OCA2: variants seen among roughly 807,000 people sequenced by gnomAD.
OCA2 encodes the protein P protein.
A neutral mutation model predicts 100.2 loss-of-function variants in OCA2; 77 were observed. The ratio of observed to expected loss-of-function variants is 0.77; its 90% CI spans 0.64 to 0.93. OCA2 has a LOEUF of 0.93. Ranked by LOEUF, OCA2 falls within the 40% of genes least tolerant of loss-of-function variation. The pLI, the probability that OCA2 is intolerant of heterozygous loss-of-function variation, is 0.00. For synonymous variants in OCA2, 432 were observed against 439.2 expected (o/e 0.98, Z 0.21); for missense variants, 1,062 against 1,089.1 (o/e 0.98, Z 0.35).
chr15:27,782,826 T>C (rs1329836736), intron 23 of OCA2, among the ~76,000 whole-genome samples: 5 of 152,244 alleles, frequency 3.3e-5, no homozygotes, highest in African/African-American at 1.2e-4. Flanking sequence ...ACTATCCCCA[T>C]AGGGGCTCTA....
chr15:27,962,005 TAATTA>T (rs1326531306), intron 15 of OCA2, among the ~76,000 whole-genome samples: 1 of 152,012 alleles, frequency 6.6e-6, no homozygotes, highest in Non-Finnish European at 1.5e-5. Flanking sequence ...TTAAATTAAT[TAATTA>T]AAATAATAAA....
chr15:28,002,927 C>A lies in OCA2; in HGVS notation c.1044+11849G>T, dbSNP rs555758048. On this transcript the variant is annotated intron_variant, in intron 9 of 23. Coordinates refer to ENST00000354638, the MANE Select transcript of OCA2 (RefSeq NM_000275.3). Reference sequence around the variant, plus strand: ...TGCCCACAAATACTGAGCTGATTTTCTAGCCTGGCTTATGTTATGCAGAAC... The same window carrying A: ...TGCCCACAAATACTGAGCTGATTTTATAGCCTGGCTTATGTTATGCAGAAC... Among the ~76,000 whole-genome samples, 25 of 152,348 alleles carry A rather than the reference C, an allele frequency of 1.6e-4. No individual in the cohort carries two copies. The South Asian group carries it at 5.2e-3, about 32-fold the overall frequency.
At chr15:27,856,985 A>C (rs962524701) in intron 21 of OCA2, among the ~76,000 whole-genome samples, 4 of 152,204 alleles carry the variant, frequency 2.6e-5, no homozygotes, top group African/African-American at 9.6e-5. Context: ...ACAACATACA[A>C]ACAAATAGGA....
intron 4 of OCA2, among the ~76,000 whole-genome samples, 197 bp downstream of exon 4, chr15:28,027,674 C>T (rs2042794588): frequency 6.6e-6 from 1 of 152,214 alleles, no homozygotes; most frequent in South Asian, 2.1e-4. Context: ...TCCGGCGCTG[C>T]ATGATTTGCA....
rs2141271662 is a variant in OCA2, at chr15:28,019,626, G to C, written c.647-1069C>G. On this transcript the variant is annotated intron_variant, in intron 6 of 23. Transcript: ENST00000354638. ...TCCAGAAGCTCCTCCCCTCACAGCA[G>C]ACACCCTGGGTGTCCTTCACCCAGC... Among the ~76,000 whole-genome samples, 2 of 152,296 alleles carry C rather than the reference G, an allele frequency of 1.3e-5. 1 individual carries two copies.
intron 23 of OCA2, among the ~76,000 whole-genome samples, chr15:27,781,425 A>C (rs1165590989): frequency 1.3e-5 from 2 of 152,150 alleles, no homozygotes; most frequent in African/African-American, 4.8e-5. Context: ...CCAGCACCAC[A>C]CAGCAGGGTG....
chr15:27,806,388 C>T (rs1264894979), intron 23 of OCA2, among the ~76,000 whole-genome samples: 2 of 152,250 alleles, frequency 1.3e-5, no homozygotes, highest in Non-Finnish European at 2.9e-5. Context: ...AACTGGCCTT[C>T]CTACCGGAAA....
chr15:27,974,322 T>C (rs1008814880), intron 14 of OCA2, among the ~76,000 whole-genome samples: 1 of 152,214 alleles, frequency 6.6e-6, no homozygotes, highest in Non-Finnish European at 1.5e-5. Context: ...AATATGCACA[T>C]CATGTGAGGC....
intron 9 of OCA2, among the ~76,000 whole-genome samples, chr15:27,997,513 C>T (rs1477389253): frequency 1.3e-5 from 2 of 151,804 alleles, no homozygotes; most frequent in East Asian, 3.9e-4. Context: ...TTTCTGAGGG[C>T]TCTGTTCTGT....
intron 19 of OCA2, among the ~76,000 whole-genome samples, chr15:27,881,903 C>T (rs1421865918): frequency 6.6e-6 from 1 of 152,052 alleles, no homozygotes; most frequent in Admixed American, 6.6e-5. Flanking sequence ...TATTTATTGT[C>T]TTCTGCTAGC....
chr15:27,933,968 T>C (rs1008839393), intron 18 of OCA2, among the ~76,000 whole-genome samples: 10 of 152,198 alleles, frequency 6.6e-5, no homozygotes, highest in Admixed American at 6.5e-4. Flanking sequence ...ATCACATATG[T>C]ATTTGATATA....
chr15:27,945,574 G>T (rs2039804947), intron 18 of OCA2, among the ~76,000 whole-genome samples: 1 of 152,128 alleles, frequency 6.6e-6, no homozygotes, highest in Non-Finnish European at 1.5e-5. Context: ...CTGTCAGCCT[G>T]TTATTATTCT....
chr15:27,934,363 T>G (rs1158124162), intron 18 of OCA2, among the ~76,000 whole-genome samples: 1 of 152,162 alleles, frequency 6.6e-6, no homozygotes, highest in Non-Finnish European at 1.5e-5. Flanking sequence ...TTACTTTTCT[T>G]TGAATTCTCC....
At chr15:28,036,231 A>G (rs1052535344) in intron 2 of OCA2, among the ~76,000 whole-genome samples, 1 of 152,334 alleles carries the variant, frequency 6.6e-6, no homozygotes, top group Admixed American at 6.5e-5. Context: ...TGGGTAAATA[A>G]CAAACACTAT....
intron 1 of OCA2, among the ~76,000 whole-genome samples, chr15:28,091,830 C>T (rs1231072064): frequency 1.3e-5 from 2 of 152,172 alleles, no homozygotes; most frequent in East Asian, 3.9e-4. Flanking sequence ...GTGATGGGCA[C>T]CTGTAACCCC....
chr15:27,815,156 G>A (rs576605104), intron 23 of OCA2, among the ~76,000 whole-genome samples: 3 of 152,248 alleles, frequency 2.0e-5, no homozygotes, highest in Admixed American at 1.3e-4. Flanking sequence ...TGGAGGACAT[G>A]ATTTTAACTA....
intron 14 of OCA2, among the ~76,000 whole-genome samples, chr15:27,980,285 G>A (rs560644323): frequency 2.0e-5 from 3 of 151,678 alleles, no homozygotes; most frequent in South Asian, 2.1e-4. Flanking sequence ...CCAATACCAC[G>A]CCTGGCTAAG....
Position 27,845,058 on chromosome 15 carries a change from G to C in OCA2, c.2339-6C>G. The C allele has an allele frequency of 6.2e-7, 1 of 1,612,128 alleles. No individual in the cohort carries two copies. Among genetic ancestry groups the C allele is most frequent in the Non-Finnish European group, 8.5e-7 (1 of 1,178,360 alleles). On this transcript the variant is annotated splice_polypyrimidine_tract_variant and splice_region_variant and intron_variant, in intron 22 of 23. Coordinates refer to ENST00000354638, the MANE Select transcript of OCA2 (RefSeq NM_000275.3). ...GCCAATCAGTGTCCCGTTACCTAAA[G>C]TCAAAATTTAAAAACAAAATCCCAG...
In OCA2 at chr15:27,906,983, T is replaced by G. The variant is rs183545075; in HGVS notation, c.2079+19144A>C. Reference sequence around the variant, plus strand: ...GCCAGGCTCTTTTAACAACCAGCTCTCACAAGGACTAATAGAGTGAGAACT... The same window carrying G: ...GCCAGGCTCTTTTAACAACCAGCTCGCACAAGGACTAATAGAGTGAGAACT... On this transcript the variant is annotated intron_variant, in intron 19 of 23. Transcript: ENST00000354638. 5.8e-4 allele frequency among the ~76,000 whole-genome samples: 89 copies of G among 152,154 alleles called. 1 individual carries two copies. The East Asian group carries it at 0.017, about 29-fold the overall frequency.
Sources: gnomAD v4.1 joint callset for allele counts (sites outside exome capture counted in the v4.1 genomes callset) on GRCh38, gnomAD v4.1.1 for gene constraint, MANE v1.5 for transcripts, NCBI Gene and HGNC (gene_info 2026-07-23, HGNC 2026-07-21) for gene names.